The following PDE3B variants were observed in gnomAD, a reference collection of about 807,000 sequenced individuals.
PDE3B encodes the protein phosphodiesterase 3B.
PDE3B carries 66 observed loss-of-function variants against 116.8 expected under a neutral mutation model. That is an observed-to-expected ratio of 0.56 (90% CI 0.46 to 0.69). PDE3B has a LOEUF of 0.69. PDE3B is among the 30% of genes least tolerant of loss of function. The probability of loss-of-function intolerance (pLI) is 0.00; values close to 1 mark genes in which losing one functional copy is unlikely to be tolerated. For synonymous variants in PDE3B, 595 were observed against 533.6 expected (o/e 1.12, Z -1.59); for missense variants, 1,384 against 1,368.1 (o/e 1.01, Z -0.18).
the PDE3B span, among the ~76,000 whole-genome samples, chr11:14,898,615 A>G: frequency 6.6e-6 from 1 of 152,204 alleles, no homozygotes; most frequent in Non-Finnish European, 1.5e-5. Flanking sequence ...TGAGGTCCTG[A>G]GAGGACAAAT....
chr11:14,845,707 G>T (rs1847583796), intron 12 of PDE3B, among the ~76,000 whole-genome samples: 1 of 152,230 alleles, frequency 6.6e-6, no homozygotes, highest in African/African-American at 2.4e-5. Context: ...AGCCTCAGGA[G>T]CCGATGTGAT....
At chr11:14,852,965 A>G (rs1847782857) in intron 12 of PDE3B, among the ~76,000 whole-genome samples, 1 of 151,744 alleles carries the variant, frequency 6.6e-6, no homozygotes, top group Admixed American at 6.6e-5. Context: ...CAATCATAAA[A>G]TGTTCTGCAA....
intron 1 of PDE3B, among the ~76,000 whole-genome samples, chr11:14,722,894 C>G (rs780342564): frequency 6.6e-6 from 1 of 152,026 alleles, no homozygotes; most frequent in Non-Finnish European, 1.5e-5. Flanking sequence ...AATGGAGGTG[C>G]TTGGTGTTAA....
chr11:14,879,053 G>C, the PDE3B span: 3 of 1,307,468 alleles, frequency 2.3e-6, no homozygotes, highest in Middle Eastern at 1.8e-4. Context: ...TTAAGATGCT[G>C]TATCTAATGA....
chr11:14,749,644 C>T (rs1479648297), intron 1 of PDE3B, among the ~76,000 whole-genome samples: 1 of 151,552 alleles, frequency 6.6e-6, no homozygotes, highest in African/African-American at 2.4e-5. Context: ...TTGGTTCCTT[C>T]AGCCATTCTT....
At chr11:14,875,418 A>G (rs1848179994), downstream of PDE3B, among the ~76,000 whole-genome samples, 1 of 152,198 alleles carries the variant, frequency 6.6e-6, no homozygotes, top group Non-Finnish European at 1.5e-5. Context: ...TTTCAGTGAT[A>G]CATGAGAAAA....
chr11:14,646,948 A>C (rs775478715), intron 1 of PDE3B, among the ~76,000 whole-genome samples: 2 of 152,116 alleles, frequency 1.3e-5, no homozygotes, highest in Non-Finnish European at 2.9e-5. Context: ...TGAATAGTTC[A>C]GGGTTTATAC....
chr11:14,722,311 T>TAA (rs761273011), intron 1 of PDE3B, among the ~76,000 whole-genome samples: 1 of 145,530 alleles, frequency 6.9e-6, no homozygotes, highest in African/African-American at 2.5e-5. Context: ...AAAGTATAAT[T>TAA]AAAAAAAAAA....
intron 1 of PDE3B, among the ~76,000 whole-genome samples, chr11:14,691,908 A>G (rs899519452): frequency 6.6e-5 from 10 of 152,160 alleles, no homozygotes; most frequent in Non-Finnish European, 1.3e-4. Context: ...CTAAGATCAA[A>G]TCATTTACAA....
intron 1 of PDE3B, among the ~76,000 whole-genome samples, chr11:14,733,667 T>C (rs1176477457): frequency 1.3e-5 from 2 of 152,314 alleles, no homozygotes; most frequent in East Asian, 3.9e-4. Context: ...TTGTACAGGA[T>C]CATTTTGTGG....
chr11:14,724,605 G>T (rs1427239318), intron 1 of PDE3B, among the ~76,000 whole-genome samples: 1 of 152,164 alleles, frequency 6.6e-6, no homozygotes, highest in Non-Finnish European at 1.5e-5. Flanking sequence ...TCTGAAATAT[G>T]AAACACTTCT....
At chr11:14,859,852 T>G (rs1229290406) in intron 13 of PDE3B, among the ~76,000 whole-genome samples, 11 of 152,168 alleles carry the variant, frequency 7.2e-5, no homozygotes, top group African/African-American at 2.4e-4. Context: ...ACTGCCCCAG[T>G]ATGACGGTGG....
At chr11:14,858,848 A>G (rs974374450) in intron 12 of PDE3B, among the ~76,000 whole-genome samples, 195 bp from the exon 13 acceptor site, 3 of 152,208 alleles carry the variant, frequency 2.0e-5, no homozygotes, top group Non-Finnish European at 4.4e-5. Context: ...GGAAAGGTGT[A>G]TCTTAACCTC....
At chr11:14,824,136 G>A (rs778376719) in intron 7 of PDE3B, among the ~76,000 whole-genome samples, 4 of 152,104 alleles carry the variant, frequency 2.6e-5, no homozygotes, top group South Asian at 2.1e-4. Flanking sequence ...GCACAAACAC[G>A]CTGTCCCTGT....
At chr11:14,872,292 T>C (rs1419119089), downstream of PDE3B, among the ~76,000 whole-genome samples, 1 of 152,070 alleles carries the variant, frequency 6.6e-6, no homozygotes, top group Non-Finnish European at 1.5e-5. Context: ...GTGTAGGGGA[T>C]AGGAGTGGCA....
the PDE3B span, among the ~76,000 whole-genome samples, chr11:14,888,268 G>A: frequency 6.6e-6 from 1 of 152,122 alleles, no homozygotes; most frequent in Non-Finnish European, 1.5e-5. Flanking sequence ...ATAAGGGCAG[G>A]AATCTGTTTT....
chr11:14,721,539 G>A (rs1856082203), intron 1 of PDE3B, among the ~76,000 whole-genome samples: 1 of 151,544 alleles, frequency 6.6e-6, no homozygotes, highest in Non-Finnish European at 1.5e-5. Context: ...GTCCAACAAT[G>A]ATAGACTGGA....
chr11:14,789,036 C>T (rs866334605), intron 3 of PDE3B, 70 bp from the exon 4 acceptor site: 1 of 1,032,078 alleles, frequency 9.7e-7, no homozygotes, highest in Admixed American at 2.5e-5. Flanking sequence ...CTTTCATGTG[C>T]CATCACTAAT....
At chr11:14,647,674 CAA>C (rs891996430) in intron 1 of PDE3B, among the ~76,000 whole-genome samples, 17 of 151,890 alleles carry the variant, frequency 1.1e-4, no homozygotes, top group Admixed American at 4.6e-4. Flanking sequence ...AGGATGGTAA[CAA>C]AATTATTACA....
Sources: gnomAD v4.1 joint callset for allele counts (sites outside exome capture counted in the v4.1 genomes callset) on GRCh38, gnomAD v4.1.1 for gene constraint, MANE v1.5 for transcripts, NCBI Gene and HGNC (gene_info 2026-07-23, HGNC 2026-07-21) for gene names.